Variants in KCNB2 observed in about 807,000 individuals in gnomAD.
KCNB2 encodes delayed rectifier potassium channel protein.
Under a neutral mutation model 61.5 loss-of-function variants are expected in KCNB2, and 15 were observed. The observed-to-expected ratio is 0.24, with a 90% CI of 0.16 to 0.38. The LOEUF (loss-of-function observed/expected upper bound fraction) is 0.38. KCNB2 is among the 10% of genes least tolerant of loss of function. KCNB2 has a pLI of 1.00. For missense variants in KCNB2, 828 were observed against 1,125.2 expected (o/e 0.74, Z 3.78); for synonymous variants, 457 against 446.0 (o/e 1.02, Z -0.31).
At chr8:72,718,702 T>C (rs1206025167) in intron 2 of KCNB2, among the ~76,000 whole-genome samples, 1 of 151,590 alleles carries the variant, frequency 6.6e-6, no homozygotes, top group Non-Finnish European at 1.5e-5. Context: ...TTAGGAGATC[T>C]ACCTAATGCT....
At chr8:72,780,328 T>C (rs1184095141) in intron 2 of KCNB2, among the ~76,000 whole-genome samples, 2 of 152,250 alleles carry the variant, frequency 1.3e-5, no homozygotes, top group African/African-American at 4.8e-5. Context: ...CACTTCACTT[T>C]GCATTATTCC....
In KCNB2 at chr8:72,655,422, C is replaced by G. The variant is rs1244518325; in HGVS notation, c.579+87109C>G. On this transcript the variant is annotated intron_variant, in intron 2 of 2. Transcript: ENST00000523207. ...CCTGCAATTTACCTGTATAACAAAC[C>G]CTGAACCTAAAATAACTGTTAAAAA... Among the ~76,000 whole-genome samples, 4 of 151,812 alleles carry G rather than the reference C, an allele frequency of 2.6e-5. No homozygotes were observed. In the South Asian group the frequency reaches 6.2e-4, roughly 24 times the overall value.
At chr8:72,812,584 GT>G (rs891687722) in intron 2 of KCNB2, among the ~76,000 whole-genome samples, 1 of 151,850 alleles carries the variant, frequency 6.6e-6, no homozygotes, top group African/African-American at 2.4e-5. Context: ...TTTAAATCAT[GT>G]TTTTTTAAAT....
At chr8:72,585,890 G>T (rs781536940) in intron 2 of KCNB2, among the ~76,000 whole-genome samples, 1 of 152,134 alleles carries the variant, frequency 6.6e-6, no homozygotes, top group East Asian at 1.9e-4. Context: ...ATTTTCAAAA[G>T]AAAAAGGAAA....
chr8:72,588,825 G>T (rs117035610), intron 2 of KCNB2, among the ~76,000 whole-genome samples: 1 of 152,108 alleles, frequency 6.6e-6, no homozygotes, highest in Non-Finnish European at 1.5e-5. Context: ...GAGCCCAGGA[G>T]TTCAAGGCTG....
At chr8:72,744,719 C>T (rs1031179755) in intron 2 of KCNB2, among the ~76,000 whole-genome samples, 2 of 152,056 alleles carry the variant, frequency 1.3e-5, no homozygotes, top group Non-Finnish European at 1.5e-5. Context: ...TTGCTTAGGG[C>T]CGAGCATCCC....
chr8:72,791,926 CT>C (rs751028046), intron 2 of KCNB2, among the ~76,000 whole-genome samples: 1 of 152,172 alleles, frequency 6.6e-6, no homozygotes, highest in Non-Finnish European at 1.5e-5. Context: ...AGGCCTACTT[CT>C]TTAGTACTTA....
chr8:72,690,017 A>C (rs1239116521), intron 2 of KCNB2, among the ~76,000 whole-genome samples: 1 of 144,182 alleles, frequency 6.9e-6, no homozygotes, highest in East Asian at 2.0e-4. Flanking sequence ...ACAGGTCTGC[A>C]TTAAAACCTT....
intron 2 of KCNB2, among the ~76,000 whole-genome samples, chr8:72,698,378 GAA>G (rs1448615750): frequency 1.3e-5 from 2 of 151,916 alleles, no homozygotes; most frequent in Non-Finnish European, 2.9e-5. Context: ...TAAACAAATG[GAA>G]AAACATTCTA....
At chr8:72,812,748 T>C (rs1394196055) in intron 2 of KCNB2, among the ~76,000 whole-genome samples, 1 of 152,148 alleles carries the variant, frequency 6.6e-6, no homozygotes. Context: ...TACTTGGTCA[T>C]AAAGTGTTAT....
At chr8:72,634,982 G>A (rs1805941308) in intron 2 of KCNB2, among the ~76,000 whole-genome samples, 1 of 152,132 alleles carries the variant, frequency 6.6e-6, no homozygotes, top group Non-Finnish European at 1.5e-5. Context: ...TATCATATTG[G>A]GAGCTGGTCC....
At chr8:72,558,718 A>G (rs1219677502) in intron 1 of KCNB2, among the ~76,000 whole-genome samples, 3 of 152,200 alleles carry the variant, frequency 2.0e-5, no homozygotes, top group Non-Finnish European at 2.9e-5. Flanking sequence ...CCCTCCAGGA[A>G]CTTAGAATCT....
intron 2 of KCNB2, among the ~76,000 whole-genome samples, chr8:72,906,594 G>A (rs138712146): frequency 0.01 from 1,528 of 152,246 alleles, 30 homozygotes; most frequent in African/African-American, 0.035. Context: ...AGTAGAAGTT[G>A]GTTTGCAAAT....
chr8:72,823,084 G>T (rs1166902177), intron 2 of KCNB2, among the ~76,000 whole-genome samples: 5 of 152,166 alleles, frequency 3.3e-5, no homozygotes, highest in Admixed American at 3.3e-4. Flanking sequence ...AAATTAATGA[G>T]CACTCCCTCA....
At chr8:72,794,123 C>T (rs1485315453) in intron 2 of KCNB2, among the ~76,000 whole-genome samples, 1 of 152,170 alleles carries the variant, frequency 6.6e-6, no homozygotes, top group Non-Finnish European at 1.5e-5. Context: ...GAGACAACTG[C>T]AGTATTCTAG....
chr8:72,749,307 G>T (rs1227732865), intron 2 of KCNB2: 5 of 151,754 alleles, frequency 3.3e-5, no homozygotes, highest in African/African-American at 1.2e-4. Flanking sequence ...TTTTAGAAGA[G>T]ACGAGGTCTC....
intron 2 of KCNB2, among the ~76,000 whole-genome samples, chr8:72,739,812 A>T (rs1585864061): frequency 2.6e-5 from 4 of 152,304 alleles, no homozygotes; most frequent in East Asian, 1.9e-4. Flanking sequence ...CAGTAGTACC[A>T]TATTGTTCAC....
intron 2 of KCNB2, among the ~76,000 whole-genome samples, chr8:72,827,086 A>G (rs1431189009): frequency 6.6e-6 from 1 of 152,202 alleles, no homozygotes; most frequent in African/African-American, 2.4e-5. Flanking sequence ...AGATAATTCA[A>G]TAATTATTTA....
At chr8:72,810,093 G>A (rs1419603780) in intron 2 of KCNB2, among the ~76,000 whole-genome samples, 4 of 152,158 alleles carry the variant, frequency 2.6e-5, no homozygotes, top group Non-Finnish European at 5.9e-5. Flanking sequence ...TGTGGTGGGT[G>A]CATCACTTGT....
Sources: gnomAD v4.1 joint callset for allele counts (sites outside exome capture counted in the v4.1 genomes callset) on GRCh38, gnomAD v4.1.1 for gene constraint, MANE v1.5 for transcripts, NCBI Gene and HGNC (gene_info 2026-07-23, HGNC 2026-07-21) for gene names.